The following FIBCD1 variants were observed in gnomAD, a reference collection of about 807,000 sequenced individuals.
FIBCD1 encodes fibrinogen C domain containing 1.
FIBCD1 carries 47 observed loss-of-function variants against 45.1 expected under a neutral mutation model. The ratio of observed to expected loss-of-function variants is 1.04; its 90% CI spans 0.82 to 1.33. The LOEUF is 1.33. Among genes scored for constraint, FIBCD1 ranks in the 40% most tolerant of loss-of-function variants. The pLI is 0.00. For synonymous variants in FIBCD1, 313 were observed against 308.1 expected, an observed-to-expected ratio of 1.02 and a Z score of -0.17; for missense variants, 653 against 682.2, an observed-to-expected ratio of 0.96 and a Z score of 0.48.
intron 2 of FIBCD1, among the ~76,000 whole-genome samples, chr9:130,924,798 C>T (rs1443795822): frequency 1.3e-5 from 2 of 152,194 alleles, no homozygotes; most frequent in East Asian, 1.9e-4. Flanking sequence ...AACACGTCCA[C>T]TTGCCGGTTA....
chr9:130,930,002 C>A lies in FIBCD1; in HGVS notation c.117G>T (p.Leu39=). The change falls in exon 2 of 7, where the codon CTG becomes CTT. Residue 39 remains leucine (L), a synonymous_variant. Coordinates refer to ENST00000372338, the MANE Select transcript of FIBCD1 (RefSeq NM_032843.5). Reference sequence around the variant, plus strand: ...TGACAGCTACAGCCAGCAGCACAGCCAGGGCCAGCAGCACGGTGCACAGCA... The same window carrying A: ...TGACAGCTACAGCCAGCAGCACAGCAAGGGCCAGCAGCACGGTGCACAGCA... The part of the protein sequence containing the change: ...GYVLCTVLLA[L]AVLLAVAVTG... 6.5e-7 allele frequency: 1 copy of A among 1,535,924 alleles called. No homozygotes were observed. Among genetic ancestry groups the A allele is most frequent in the South Asian group, 1.2e-5 (1 of 80,454 alleles).
intron 6 of FIBCD1, 54 bp from the exon 7 acceptor site, chr9:130,904,377 G>A: frequency 6.5e-7 from 1 of 1,543,244 alleles, no homozygotes; most frequent in South Asian, 1.2e-5. Flanking sequence ...ACACCCACTG[G>A]TGTTGCATGT....
At chr9:130,938,471 C>T (rs1351307549) in intron 1 of FIBCD1, 65 bp downstream of exon 1, 12 of 1,364,948 alleles carry the variant, frequency 8.8e-6, no homozygotes, top group Non-Finnish European at 1.1e-5. Flanking sequence ...GTGCTCGCCC[C>T]GCCGGCCCGA....
chr9:130,940,430 T>G (rs1038854409), upstream of FIBCD1, among the ~76,000 whole-genome samples: 5 of 152,090 alleles, frequency 3.3e-5, no homozygotes, highest in South Asian at 1.0e-3. Flanking sequence ...TGGCTGGGAG[T>G]CAGGAGACCC....
In FIBCD1 at chr9:130,926,591, G is replaced by GA. The variant is rs1832365831; in HGVS notation, c.553-2196_553-2195insT. Among the ~76,000 whole-genome samples the GA allele has an allele frequency of 2.0e-5, 3 of 152,154 alleles. No individual in the cohort carries two copies. Among genetic ancestry groups the GA allele is most frequent in the Non-Finnish European group, 2.9e-5 (2 of 68,018 alleles). On this transcript the variant is annotated intron_variant, in intron 2 of 6. Coordinates refer to ENST00000372338, the MANE Select transcript of FIBCD1 (RefSeq NM_032843.5). The surrounding 1 kb of genome is among the most constrained non-coding windows in gnomAD (Gnocchi z 4.1). ...TCCCAGCACTTTGGGAGGCCAAGTTGGGTGGATCACCTAAGGTCAGGAGTT... is the reference window on the plus strand; with the variant it reads ...TCCCAGCACTTTGGGAGGCCAAGTTGAGGTGGATCACCTAAGGTCAGGAGTT...
intron 1 of FIBCD1, among the ~76,000 whole-genome samples, chr9:130,934,932 C>A (rs997992226): frequency 2.6e-5 from 4 of 152,108 alleles, no homozygotes; most frequent in African/African-American, 9.7e-5. Context: ...TCAACCCAAA[C>A]CCCAGGGAAC....
chr9:130,939,869 G>T (rs1474248709), upstream of FIBCD1, among the ~76,000 whole-genome samples: 1 of 151,904 alleles, frequency 6.6e-6, no homozygotes, highest in East Asian at 1.9e-4. Flanking sequence ...CTGCTATTGT[G>T]GCTTCTGACC....
intron 5 of FIBCD1, among the ~76,000 whole-genome samples, chr9:130,911,577 G>A (rs1165203994): frequency 6.6e-6 from 1 of 152,236 alleles, no homozygotes; most frequent in Non-Finnish European, 1.5e-5. Context: ...TGAGCACTGG[G>A]AGCCCACCCA....
At chr9:130,919,908 C>T (rs1336029733) in intron 4 of FIBCD1, among the ~76,000 whole-genome samples, 2 of 150,150 alleles carry the variant, frequency 1.3e-5, no homozygotes, top group East Asian at 2.0e-4. Context: ...GCTTGGCAGT[C>T]AGGCCTGGGG....
Position 130,929,836 on chromosome 9 carries a change from CAAT to C in FIBCD1, c.280_282del (p.Ile94del), listed in dbSNP as rs1243493023. 6.5e-7 allele frequency: 1 copy of C among 1,549,786 alleles called. No homozygotes were observed. Among genetic ancestry groups the C allele is most frequent in the African/African-American group, 1.4e-5 (1 of 73,046 alleles). ...TCGGTGAGGTCGGGGCAGCGCGGGTCAATGAGGATGCTGAGGTGCGAGCTGTCC... is the reference window on the plus strand; with the variant it reads ...TCGGTGAGGTCGGGGCAGCGCGGGTCGAGGATGCTGAGGTGCGAGCTGTCC... On this transcript the variant is annotated inframe_deletion, in exon 2 of 7. Coordinates refer to ENST00000372338, the MANE Select transcript of FIBCD1 (RefSeq NM_032843.5).
Position 130,920,366 on chromosome 9 carries a change from A to G in FIBCD1, c.849+3378T>C, listed in dbSNP as rs73557891. Among the ~76,000 whole-genome samples the G allele has an allele frequency of 9.2e-5, 14 of 152,006 alleles. No individual in the cohort carries two copies. The East Asian group carries it at 2.5e-3, about 27-fold the overall frequency. ...TCCCTCCCAGCCCCGCTCCCCGCTC[A>G]CTCCTCACAGATGAGCAGCCTGTGA... On this transcript the variant is annotated intron_variant, in intron 4 of 6. Coordinates refer to ENST00000372338, the MANE Select transcript of FIBCD1 (RefSeq NM_032843.5).
chr9:130,932,939 G>A (rs1241283972), intron 1 of FIBCD1, among the ~76,000 whole-genome samples: 1 of 152,226 alleles, frequency 6.6e-6, no homozygotes, highest in African/African-American at 2.4e-5. Flanking sequence ...AGACTGTGTA[G>A]CATTAAGGTC....
chr9:130,922,622 C>A lies in FIBCD1; in HGVS notation c.849+1122G>T, dbSNP rs981595112. Among the ~76,000 whole-genome samples, 2 of 152,046 alleles carry A rather than the reference C, an allele frequency of 1.3e-5. No individual in the cohort carries two copies. The highest frequency in any genetic ancestry group is 4.8e-5 in the African/African-American group (2 of 41,376). ...CCTGTGGACTGAACGGTCGAAACAC[C>A]TCCTCCCCGTCCCTCTCCCCACTGC... On this transcript the variant is annotated intron_variant, in intron 4 of 6. Transcript: ENST00000372338. The surrounding 1 kb of genome is among the most constrained non-coding windows in gnomAD (Gnocchi z 4.5).
intron 5 of FIBCD1, among the ~76,000 whole-genome samples, chr9:130,911,287 C>T (rs905937235): frequency 2.7e-5 from 4 of 150,352 alleles, no homozygotes; most frequent in Middle Eastern, 3.2e-3. Context: ...AGAGCTATAA[C>T]ACTCACCACG....
At chr9:130,907,065 C>T (rs1299096486) in intron 5 of FIBCD1, among the ~76,000 whole-genome samples, 1 of 152,228 alleles carries the variant, frequency 6.6e-6, no homozygotes, top group African/African-American at 2.4e-5. Flanking sequence ...TGCTGCTATT[C>T]AGACCTTACC....
intron 1 of FIBCD1, chr9:130,936,193 AGAG>A (rs917655547): frequency 6.6e-6 from 1 of 152,334 alleles, no homozygotes; most frequent in Non-Finnish European, 1.5e-5. Context: ...CCAGGCCCAG[AGAG>A]GAGGAGTAAC....
chr9:130,924,326 T>C lies in FIBCD1; in HGVS notation c.623A>G (p.Gln208Arg), dbSNP rs1832320547. ...GGGCCGGCCCAGCCCCCGGTCCCTCTGCAGGGCATCCAGGATGTCGCTGAC... is the reference window on the plus strand; with the variant it reads ...GGGCCGGCCCAGCCCCCGGTCCCTCCGCAGGGCATCCAGGATGTCGCTGAC... ...NSVSDILDAL[Q>R]RDRGLGRPRN... Residue 208 changes from glutamine (Q) to arginine (R), a missense_variant, in exon 3 of 7, where the codon CAG becomes CGG. Coordinates refer to ENST00000372338, the MANE Select transcript of FIBCD1 (RefSeq NM_032843.5). 6.2e-7 allele frequency: 1 copy of C among 1,607,910 alleles called. No homozygotes were observed. The highest frequency in any genetic ancestry group is 1.3e-5 in the African/African-American group (1 of 74,912).
chr9:130,912,805 A>AGG (rs768354004), intron 4 of FIBCD1, among the ~76,000 whole-genome samples: 1 of 111,024 alleles, frequency 9.0e-6, no homozygotes, highest in Non-Finnish European at 1.7e-5. Flanking sequence ...GGTCAAAGAA[A>AGG]GGGGGGGCAG....
chr9:130,928,676 G>C (rs1391672849), intron 2 of FIBCD1, among the ~76,000 whole-genome samples: 1 of 152,192 alleles, frequency 6.6e-6, no homozygotes, highest in Admixed American at 6.5e-5. Flanking sequence ...GAAGGGGCTT[G>C]GGCGCCCGTG....
Sources: gnomAD v4.1 joint callset for allele counts (sites outside exome capture counted in the v4.1 genomes callset) on GRCh38, gnomAD v4.1.1 for gene constraint, Gnocchi (gnomAD v3.1) non-coding constraint, MANE v1.5 for transcripts, NCBI Gene and HGNC (gene_info 2026-07-23, HGNC 2026-07-21) for gene names.